XKR8: variants seen among roughly 807,000 people sequenced by gnomAD.
XKR8 encodes the protein XK related 8.
A neutral mutation model predicts 17.1 loss-of-function variants in XKR8; 10 were observed. The ratio of observed to expected loss-of-function variants is 0.59; its 90% CI spans 0.36 to 0.99. The LOEUF is 0.99. Among genes scored for constraint, XKR8 ranks in the 50% least tolerant of loss-of-function variants. The pLI, the probability that XKR8 is intolerant of heterozygous loss-of-function variation, is 0.01. For missense variants in XKR8, 411 were observed against 515.6 expected (o/e 0.80, Z 1.96); for synonymous variants, 213 against 251.9 (o/e 0.85, Z 1.46).
Position 27,966,838 on chromosome 1 carries a change from G to C in XKR8, c.826G>C (p.Val276Leu), listed in dbSNP as rs772993872. ...ATILYFSWFN[V>L]AEGRTRGRAI... Reference sequence around the variant, plus strand: ...CATCCTCTATTTCTCCTGGTTCAACGTGGCTGAGGGCCGCACCCGAGGCCG... The same window carrying C: ...CATCCTCTATTTCTCCTGGTTCAACCTGGCTGAGGGCCGCACCCGAGGCCG... The change falls in exon 3 of 3, where the codon GTG (valine) becomes CTG (leucine). Residue 276 changes from valine to leucine, a missense_variant. Transcript: ENST00000373884. This position sits in a 1 kb window ranked among gnomAD's most constrained non-coding sequence, Gnocchi z 4.3. The C allele has an allele frequency of 1.2e-6, 2 of 1,613,888 alleles. No homozygotes were observed. The highest frequency in any genetic ancestry group is 1.7e-6 in the Non-Finnish European group (2 of 1,179,980).
intron 2 of XKR8, 50 bp downstream of exon 2, chr1:27,963,743 C>A: frequency 2.1e-6 from 3 of 1,452,326 alleles, no homozygotes; most frequent in South Asian, 1.4e-5. Flanking sequence ...GGTGGGGGGT[C>A]TCTCAAATGT....
chr1:27,965,532 G>A lies in XKR8; in HGVS notation c.491-971G>A, dbSNP rs1370589905. The stretch of plus-strand genomic sequence containing the variant: ...GGGGTCAGGGTGGGTGACTCCCGGG[G>A]CTCTTCAAGCTGGGGCCTGCGGGGT... On this transcript the variant is annotated intron_variant, in intron 2 of 2. Transcript: ENST00000373884. The surrounding 1 kb of genome is among the most constrained non-coding windows in gnomAD (Gnocchi z 4.1). Among the ~76,000 whole-genome samples the A allele has an allele frequency of 1.3e-5, 2 of 152,140 alleles. No homozygotes were observed. Among genetic ancestry groups the A allele is most frequent in the African/African-American group, 4.8e-5 (2 of 41,424 alleles).
chr1:27,968,012 G>C lies in XKR8; in HGVS notation c.*812G>C, dbSNP rs1238700867. On this transcript the variant is annotated 3_prime_UTR_variant, in exon 3 of 3. Coordinates refer to ENST00000373884, the MANE Select transcript of XKR8 (RefSeq NM_018053.4). Reference sequence around the variant, plus strand: ...TCTATGTGAGAGGAAGAGAATGTGTGTGCCTGTGGGTCTCTACAAGTGACA... The same window carrying C: ...TCTATGTGAGAGGAAGAGAATGTGTCTGCCTGTGGGTCTCTACAAGTGACA... 4 of 152,702 alleles carry C rather than the reference G, an allele frequency of 2.6e-5. No homozygotes were observed. The highest frequency in any genetic ancestry group is 4.8e-5 in the African/African-American group (2 of 41,446). 9.5% of individuals were successfully genotyped at this position (152,702 alleles called of 1,614,324 possible). A position where few individuals can be genotyped will look rare whatever the true frequency, so the allele number is the denominator to read the frequency against.
rs963664427 is a variant in XKR8, at chr1:27,965,767, C to T, written c.491-736C>T. On this transcript the variant is annotated intron_variant, in intron 2 of 2. Coordinates refer to ENST00000373884, the MANE Select transcript of XKR8 (RefSeq NM_018053.4). The surrounding 1 kb of genome is among the most constrained non-coding windows in gnomAD (Gnocchi z 4.1). ...TAATAGGTTCCCAGTAAACATCTGTCGAATGACTGCGGTGGACGGGGACAG... is the reference window on the plus strand; with the variant it reads ...TAATAGGTTCCCAGTAAACATCTGTTGAATGACTGCGGTGGACGGGGACAG... Among the ~76,000 whole-genome samples the T allele has an allele frequency of 4.6e-5, 7 of 152,258 alleles. No individual in the cohort carries two copies. The East Asian group carries it at 5.8e-4, about 13-fold the overall frequency.
Position 27,960,468 on chromosome 1 carries a change from AG to A in XKR8, c.293+109del. 1 of 1,184,702 alleles carries A rather than the reference AG, an allele frequency of 8.4e-7. No individual in the cohort carries two copies. Among genetic ancestry groups the A allele is most frequent in the Non-Finnish European group, 1.1e-6 (1 of 916,468 alleles). 73.4% of individuals were successfully genotyped at this position (1,184,702 alleles called of 1,614,324 possible). On this transcript the variant is annotated intron_variant, in intron 1 of 2. Coordinates refer to ENST00000373884, the MANE Select transcript of XKR8 (RefSeq NM_018053.4). The surrounding 1 kb of genome is among the most constrained non-coding windows in gnomAD (Gnocchi z 5.9). ...CATATGCCGGGAAGGGGACTGGGAG[AG>A]GGAACCAAGTCCTGTGGGCGCCTGG...
In XKR8 at chr1:27,963,529, T is replaced by G; in HGVS notation, c.326T>G (p.Val109Gly). Residue 109 changes from valine (V) to glycine (G), a missense_variant, in exon 2 of 3, where the codon GTG becomes GGG. By Grantham distance (109) the Val-to-Gly change is moderately radical. Coordinates refer to ENST00000373884, the MANE Select transcript of XKR8 (RefSeq NM_018053.4). Reference protein sequence around the residue: ...CVQELRQGLLVWQQEEPSEFD... With the variant: ...CVQELRQGLLGWQQEEPSEFD... ...CAGGAGCTGCGGCAGGGGCTGCTGGTGTGGCAGCAGGAGGAGCCCTCTGAG... is the reference window on the plus strand; with the variant it reads ...CAGGAGCTGCGGCAGGGGCTGCTGGGGTGGCAGCAGGAGGAGCCCTCTGAG... 1 of 1,612,978 alleles carries G rather than the reference T, an allele frequency of 6.2e-7. No individual in the cohort carries two copies. Among genetic ancestry groups the G allele is most frequent in the South Asian group, 1.1e-5 (1 of 90,946 alleles).
rs920572597 is a variant in XKR8, at chr1:27,966,773, A to C, written c.761A>C (p.Asp254Ala). Residue 254 changes from aspartate (D) to alanine (A), a missense_variant, in exon 3 of 3, where the codon GAC becomes GCC. By Grantham distance (126) the Asp-to-Ala change is moderately radical. Coordinates refer to ENST00000373884, the MANE Select transcript of XKR8 (RefSeq NM_018053.4). The surrounding 1 kb of genome is among the most constrained non-coding windows in gnomAD (Gnocchi z 4.3). ...VWLQGTDFMP[D>A]PSSEWLYRVT... ...CTTCAGGGCACAGACTTCATGCCGG[A>C]CCCCAGCTCCGAGTGGCTGTACCGG... 6.2e-7 allele frequency: 1 copy of C among 1,613,294 alleles called. No homozygotes were observed. The highest frequency in any genetic ancestry group is 1.3e-5 in the African/African-American group (1 of 74,740).
Position 27,961,881 on chromosome 1 carries a change from G to A in XKR8, c.293+1519G>A, listed in dbSNP as rs373822637. ...CTGAGAGCAAAGTTCTGGGTGGAGG[G>A]TCCTTGGTGCATCCTCCACTTACTC... On this transcript the variant is annotated intron_variant, in intron 1 of 2. Transcript: ENST00000373884. Among the ~76,000 whole-genome samples, 6 of 152,186 alleles carry A rather than the reference G, an allele frequency of 3.9e-5. No individual in the cohort carries two copies. The South Asian group carries it at 1.0e-3, about 26-fold the overall frequency.
chr1:27,961,327 A>T (rs1448417046), intron 1 of XKR8, among the ~76,000 whole-genome samples: 2 of 152,126 alleles, frequency 1.3e-5, no homozygotes, highest in African/African-American at 2.4e-5. Context: ...GTCAGGGCAG[A>T]GGGTGGTGTG....
In XKR8 at chr1:27,967,996, G is replaced by C. The variant is rs531912139; in HGVS notation, c.*796G>C. On this transcript the variant is annotated 3_prime_UTR_variant, in exon 3 of 3. Transcript: ENST00000373884. The surrounding 1 kb of genome is among the most constrained non-coding windows in gnomAD (Gnocchi z 4.3). Reference sequence around the variant, plus strand: ...GTACCTCCTACCTCAGTCTATGTGAGAGGAAGAGAATGTGTGTGCCTGTGG... The same window carrying C: ...GTACCTCCTACCTCAGTCTATGTGACAGGAAGAGAATGTGTGTGCCTGTGG... 1 of 152,828 alleles carries C rather than the reference G, an allele frequency of 6.5e-6. No individual in the cohort carries two copies. The highest frequency in any genetic ancestry group is 2.4e-5 in the African/African-American group (1 of 41,582). 9.5% of individuals were successfully genotyped at this position (152,828 alleles called of 1,614,324 possible). A position where few individuals can be genotyped will look rare whatever the true frequency, so the allele number is the denominator to read the frequency against.
chr1:27,960,468 A>G lies in XKR8; in HGVS notation c.293+106A>G. The G allele has an allele frequency of 1.7e-6, 2 of 1,184,702 alleles. No individual in the cohort carries two copies. The highest frequency in any genetic ancestry group is 2.2e-6 in the Non-Finnish European group (2 of 916,468). 73.4% of individuals were successfully genotyped at this position (1,184,702 alleles called of 1,614,324 possible). A position where few individuals can be genotyped will look rare whatever the true frequency, so the allele number is the denominator to read the frequency against. On this transcript the variant is annotated intron_variant, in intron 1 of 2. Coordinates refer to ENST00000373884, the MANE Select transcript of XKR8 (RefSeq NM_018053.4). This position sits in a 1 kb window ranked among gnomAD's most constrained non-coding sequence, Gnocchi z 5.9. ...CATATGCCGGGAAGGGGACTGGGAG[A>G]GGGAACCAAGTCCTGTGGGCGCCTG...
intron 2 of XKR8, 42 bp downstream of exon 2, chr1:27,963,735 T>C (rs372091582): frequency 2.5e-4 from 371 of 1,465,998 alleles, no homozygotes; most frequent in Non-Finnish European, 3.2e-4. Context: ...CGTGGCTTGG[T>C]GGGGGGTCTC....
intron 1 of XKR8, among the ~76,000 whole-genome samples, chr1:27,963,064 G>A (rs533568330): frequency 1.3e-4 from 20 of 151,442 alleles, no homozygotes; most frequent in Non-Finnish European, 2.2e-4. Flanking sequence ...TTGTTCTGTC[G>A]CCAGGCTGGA....
rs1420852313 is a variant in XKR8, at chr1:27,966,540, G to A, written c.528G>A (p.Trp176Ter). The A allele has an allele frequency of 6.2e-7, 1 of 1,613,714 alleles. No homozygotes were observed. The highest frequency in any genetic ancestry group is 1.3e-5 in the African/African-American group (1 of 74,820). Residue 176 changes from tryptophan to a stop codon, truncating the protein, a stop_gained, in exon 3 of 3, where the codon TGG becomes TGA. Coordinates refer to ENST00000373884, the MANE Select transcript of XKR8 (RefSeq NM_018053.4). LOFTEE classifies it low-confidence loss of function (END_TRUNC). The surrounding 1 kb of genome is among the most constrained non-coding windows in gnomAD (Gnocchi z 4.3). ...GCACATCCTTCCTGGGCATCTCGTG[G>A]GCACTGCTCGACTACCACCGGGCCT... ...GICTSFLGIS[W>*]ALLDYHRALR...
Position 27,966,470 on chromosome 1 carries a change from C to T in XKR8, c.491-33C>T, listed in dbSNP as rs1638570730. ...CTGGGGAGTGCCAAGCAGGCTGGCC[C>T]CAGGACTCACTGTTCCCTCCTACTC... On this transcript the variant is annotated intron_variant, in intron 2 of 2. Transcript: ENST00000373884. The surrounding 1 kb of genome is among the most constrained non-coding windows in gnomAD (Gnocchi z 4.3). 1.3e-6 allele frequency: 2 copies of T among 1,581,074 alleles called. No individual in the cohort carries two copies. The highest frequency in any genetic ancestry group is 1.3e-5 in the African/African-American group (1 of 74,474).
chr1:27,961,516 G>T (rs1309511770), intron 1 of XKR8, among the ~76,000 whole-genome samples: 1 of 152,234 alleles, frequency 6.6e-6, no homozygotes, highest in African/African-American at 2.4e-5. Flanking sequence ...GGGCATGAAG[G>T]GGTGCAGTTG....
chr1:27,960,744 C>T lies in XKR8; in HGVS notation c.293+382C>T, dbSNP rs148796891. Among the ~76,000 whole-genome samples, 1,759 of 152,292 alleles carry T rather than the reference C, an allele frequency of 0.012. 23 individuals carry two copies. Among genetic ancestry groups the T allele is most frequent in the Non-Finnish European group, 0.017 (1,168 of 68,020 alleles). ...GGTAGTCACCCTGAGACAGGTGTGA[C>T]GGGCAGGCCTGTTGTGAAGAGTGAG... On this transcript the variant is annotated intron_variant, in intron 1 of 2. Coordinates refer to ENST00000373884, the MANE Select transcript of XKR8 (RefSeq NM_018053.4). The surrounding 1 kb of genome is among the most constrained non-coding windows in gnomAD (Gnocchi z 5.9).
rs114679281 is a variant in XKR8, at chr1:27,961,311, G to A, written c.293+949G>A. ...ACAAACCCAAGGCTCAGAGGCATGCGACAAAGTCAGGGCAGAGGGTGGTGT... is the reference window on the plus strand; with the variant it reads ...ACAAACCCAAGGCTCAGAGGCATGCAACAAAGTCAGGGCAGAGGGTGGTGT... On this transcript the variant is annotated intron_variant, in intron 1 of 2. Transcript: ENST00000373884. 2.8e-3 allele frequency among the ~76,000 whole-genome samples: 430 copies of A among 152,312 alleles called. 2 individuals carry two copies. The highest frequency in any genetic ancestry group is 9.5e-3 in the African/African-American group (396 of 41,566).
chr1:27,967,024 T>C lies in XKR8; in HGVS notation c.1012T>C (p.Tyr338His), dbSNP rs1482677133. 3.1e-6 allele frequency: 5 copies of C among 1,614,090 alleles called. No homozygotes were observed. The East Asian group carries it at 6.7e-5, about 22-fold the overall frequency. The change falls in exon 3 of 3, where the codon TAC becomes CAC. Residue 338 changes from tyrosine (Y) to histidine (H), a missense_variant. Physicochemically the swap from Tyr to His is moderately conservative, Grantham distance 83. Coordinates refer to ENST00000373884, the MANE Select transcript of XKR8 (RefSeq NM_018053.4). The surrounding 1 kb of genome is among the most constrained non-coding windows in gnomAD (Gnocchi z 4.3). ...FLGLALRLVYYHWLHPSCCWK... is the reference protein window; with the variant it reads ...FLGLALRLVYHHWLHPSCCWK... ...GGGCCTGGCTCTGCGGCTTGTGTAC[T>C]ACCACTGGCTGCACCCTAGCTGCTG...
Sources: allele counts gnomAD v4.1 joint callset (sites outside exome capture counted in the v4.1 genomes callset), GRCh38; gene constraint gnomAD v4.1.1; non-coding constraint Gnocchi (gnomAD v3.1); transcripts MANE v1.5; gene names NCBI Gene and HGNC (gene_info 2026-07-23, HGNC 2026-07-21).